PRKG1: variants seen among roughly 807,000 people sequenced by gnomAD.
PRKG1 encodes the protein cGMP-dependent protein kinase 1.
In PRKG1, 35 loss-of-function variants were observed where a neutral mutation model predicts 88.1. The ratio of observed to expected loss-of-function variants is 0.40; its 90% CI spans 0.30 to 0.53. The LOEUF (loss-of-function observed/expected upper bound fraction) is 0.53, where lower values mean the gene tolerates loss of function less well. PRKG1 is among the 20% of genes least tolerant of loss of function. PRKG1 has a pLI of 0.59. For missense variants in PRKG1, 540 were observed against 839.8 expected (o/e 0.64, Z 4.41); for synonymous variants, 303 against 292.5 (o/e 1.04, Z -0.37).
chr10:51,074,805 C>A lies in PRKG1; in HGVS notation c.215C>A (p.Pro72Gln). 1.2e-6 allele frequency: 2 copies of A among 1,613,860 alleles called. No individual in the cohort carries two copies. The highest frequency in any genetic ancestry group is 2.2e-5 in the East Asian group (1 of 44,856). Residue 72 changes from proline to glutamine, a missense_variant, in exon 1 of 18, where the codon CCG (proline) becomes CAG (glutamine). Transcript: ENST00000373980. ...AGCGCGAGCACCTTGCAGGGCGAGC[C>A]GCGCACCAAGCGGCAGGCGATCTCC... ...KQSASTLQGE[P>Q]RTKRQAISAE...
At chr10:51,437,963 G>C (rs1374657704) in intron 2 of PRKG1, among the ~76,000 whole-genome samples, 2 of 151,424 alleles carry the variant, frequency 1.3e-5, no homozygotes, top group African/African-American at 4.9e-5. Context: ...AAGAAATCTT[G>C]CTCTAGATTA....
At chr10:51,650,409 C>A (rs1044274791) in intron 3 of PRKG1, among the ~76,000 whole-genome samples, 2 of 152,118 alleles carry the variant, frequency 1.3e-5, no homozygotes, top group African/African-American at 4.8e-5. Context: ...AGCATAGTAT[C>A]TTTTCATGTG....
At chr10:51,525,750 A>C (rs1404529965) in intron 3 of PRKG1, among the ~76,000 whole-genome samples, 1 of 152,148 alleles carries the variant, frequency 6.6e-6, no homozygotes, top group Non-Finnish European at 1.5e-5. Flanking sequence ...GAAATGATAA[A>C]ATAAACTCCC....
chr10:51,700,668 A>C (rs555265481), intron 3 of PRKG1, among the ~76,000 whole-genome samples: 50 of 152,300 alleles, frequency 3.3e-4, no homozygotes, highest in Middle Eastern at 3.4e-3. Context: ...CCAAGTCAGG[A>C]TTCTAACCCA....
intron 1 of PRKG1, chr10:51,148,233 C>G: frequency 1.0e-6 from 1 of 985,164 alleles, no homozygotes; most frequent in South Asian, 4.7e-5. Context: ...TGTCTGAGTT[C>G]CCAAATGGAT....
intron 2 of PRKG1, among the ~76,000 whole-genome samples, chr10:51,300,426 T>C (rs2132238161): frequency 6.6e-6 from 1 of 152,374 alleles, no homozygotes; most frequent in South Asian, 2.1e-4. Flanking sequence ...AGTGGGTTAC[T>C]GTATTTAATG....
chr10:51,621,009 G>GTATATATATATATATATATA lies in PRKG1; in HGVS notation c.592+153177_592+153196dup, dbSNP rs55657310. ...TGTGTGTGTGTGTGTGTATATGTGT[G>GTATATATATATATATATATA]TATATATATATATATATATATATGA... is the stretch of plus-strand genomic sequence containing the variant. On this transcript the variant is annotated intron_variant, in intron 3 of 17. Coordinates refer to ENST00000373980, the MANE Select transcript of PRKG1 (RefSeq NM_006258.4). Among the ~76,000 whole-genome samples the GTATATATATATATATATATA allele has an allele frequency of 1.3e-3, 164 of 121,866 alleles. 1 individual carries two copies. The highest frequency in any genetic ancestry group is 3.7e-3 in the East Asian group (13 of 3,472). The allele number at this position is 121,866 out of a possible 152,430, so 79.9% of individuals were successfully genotyped here.
At chr10:51,319,079 T>G (rs1449513273) in intron 2 of PRKG1, among the ~76,000 whole-genome samples, 1 of 152,254 alleles carries the variant, frequency 6.6e-6, no homozygotes, top group East Asian at 1.9e-4. Flanking sequence ...CAAATTGGTT[T>G]CTTACACATT....
At chr10:51,599,231 A>AT (rs928916234) in intron 3 of PRKG1, among the ~76,000 whole-genome samples, 2 of 152,128 alleles carry the variant, frequency 1.3e-5, no homozygotes, top group South Asian at 2.1e-4. Flanking sequence ...GTCTGGAGAC[A>AT]TTTTTTATTG....
intron 5 of PRKG1, among the ~76,000 whole-genome samples, chr10:52,034,635 T>A (rs1307600931): frequency 2.7e-5 from 4 of 150,856 alleles, no homozygotes; most frequent in Non-Finnish European, 5.9e-5. Context: ...AGAGTGGCAG[T>A]TTGGGGATAG....
chr10:51,693,194 A>G (rs10998939), intron 3 of PRKG1, among the ~76,000 whole-genome samples: 10,560 of 150,398 alleles, frequency 0.07, 403 homozygotes, highest in South Asian at 0.12. Context: ...AGGATGAGGC[A>G]GGGAAATCAC....
intron 9 of PRKG1, among the ~76,000 whole-genome samples, chr10:52,193,576 CA>C (rs1554816007): frequency 1.2e-4 from 7 of 60,514 alleles, no homozygotes; most frequent in African/African-American, 3.1e-4. Flanking sequence ...AAAAAAAAAA[CA>C]AAAAAAAAAC....
rs536554517 is a variant in PRKG1, at chr10:51,761,729, A to C, written c.593-42856A>C. Among the ~76,000 whole-genome samples the C allele has an allele frequency of 9.8e-4, 150 of 152,314 alleles. 1 individual carries two copies. Among genetic ancestry groups the C allele is most frequent in the African/African-American group, 3.2e-3 (134 of 41,580 alleles). On this transcript the variant is annotated intron_variant, in intron 3 of 17. Transcript: ENST00000373980. Reference sequence around the variant, plus strand: ...CTTACTATGTACATCCCTAAACATTAAAGAAAAATTTCTCAGGCATGGGAA... The same window carrying C: ...CTTACTATGTACATCCCTAAACATTCAAGAAAAATTTCTCAGGCATGGGAA...
At chr10:51,598,081 G>A (rs1298081513) in intron 3 of PRKG1, among the ~76,000 whole-genome samples, 5 of 152,136 alleles carry the variant, frequency 3.3e-5, no homozygotes, top group South Asian at 2.1e-4. Flanking sequence ...CTTTAGAGGA[G>A]CTAGCATTGG....
intron 2 of PRKG1, among the ~76,000 whole-genome samples, chr10:51,195,004 AT>A (rs1247986837): frequency 6.6e-6 from 1 of 152,186 alleles, no homozygotes; most frequent in African/African-American, 2.4e-5. Flanking sequence ...TTGGGATTAA[AT>A]TTCCAACACG....
chr10:51,277,696 G>A (rs951251750), intron 2 of PRKG1, among the ~76,000 whole-genome samples: 2 of 152,042 alleles, frequency 1.3e-5, no homozygotes, highest in South Asian at 2.1e-4. Flanking sequence ...TGGATTCCTA[G>A]GTATTTTATT....
At chr10:51,061,596 C>T (rs1843693093) in intron 1 of PRKG1, among the ~76,000 whole-genome samples, 1 of 152,250 alleles carries the variant, frequency 6.6e-6, no homozygotes, top group Admixed American at 6.5e-5. Flanking sequence ...TTTCGAGACT[C>T]CAATTATATA....
chr10:50,991,027 G>A lies in PRKG1; in HGVS notation c.-352G>A. On this transcript the variant is annotated 5_prime_UTR_variant, in exon 1 of 18. Transcript: ENST00000401604. The surrounding 1 kb of genome is among the most constrained non-coding windows in gnomAD (Gnocchi z 4.5). ...TATTCTCACGGAGTGACTAGGAGAGGGGGACGAGGGAGGGGGTCTCAGGGG... is the reference window on the plus strand; with the variant it reads ...TATTCTCACGGAGTGACTAGGAGAGAGGGACGAGGGAGGGGGTCTCAGGGG... 1.8e-5 allele frequency: 4 copies of A among 226,050 alleles called. No individual in the cohort carries two copies. Among genetic ancestry groups the A allele is most frequent in the Non-Finnish European group, 3.5e-5 (4 of 115,608 alleles). The allele number at this position is 226,050 out of a possible 1,614,324, so 14.0% of individuals were successfully genotyped here. A position where few individuals can be genotyped will look rare whatever the true frequency, so the allele number is the denominator to read the frequency against.
At chr10:52,016,574 G>A (rs905558441) in intron 5 of PRKG1, among the ~76,000 whole-genome samples, 1 of 152,156 alleles carries the variant, frequency 6.6e-6, no homozygotes, top group African/African-American at 2.4e-5. Flanking sequence ...GGCATAATGT[G>A]GTTATTGGGG....
Sources: allele counts gnomAD v4.1 joint callset (sites outside exome capture counted in the v4.1 genomes callset), GRCh38; gene constraint gnomAD v4.1.1; non-coding constraint Gnocchi (gnomAD v3.1); transcripts MANE v1.5; gene names NCBI Gene and HGNC (gene_info 2026-07-23, HGNC 2026-07-21).